DNER: variants seen among roughly 807,000 people sequenced by gnomAD.
DNER encodes delta/notch like EGF repeat containing, also known as delta and Notch-like epidermal growth factor-related receptor.
Under a neutral mutation model 78.2 loss-of-function variants are expected in DNER, and 33 were observed. The observed-to-expected ratio is 0.42, with a 90% CI of 0.32 to 0.56. The LOEUF (loss-of-function observed/expected upper bound fraction) is 0.56, where lower values mean the gene tolerates loss of function less well. Ranked by LOEUF, DNER falls within the 20% of genes least tolerant of loss-of-function variation. The pLI is 0.11. For missense variants in DNER, 918 were observed against 975.3 expected, an observed-to-expected ratio of 0.94 and a Z score of 0.78; for synonymous variants, 417 against 384.8, an observed-to-expected ratio of 1.08 and a Z score of -0.98.
chr2:229,418,369 T>G (rs1267219811), intron 8 of DNER, 139 bp from the exon 9 acceptor site: 93 of 1,201,088 alleles, frequency 7.7e-5, no homozygotes, highest in Non-Finnish European at 9.9e-5. Flanking sequence ...GCTAGATCTC[T>G]TGGGGTAAAG....
At chr2:229,469,008 G>A (rs1215401995) in intron 7 of DNER, among the ~76,000 whole-genome samples, 1 of 152,158 alleles carries the variant, frequency 6.6e-6, no homozygotes. Flanking sequence ...AGTGAGATTT[G>A]CACATTTACT....
intron 7 of DNER, 48 bp downstream of exon 7, chr2:229,477,092 T>A (rs1434551356): frequency 6.9e-7 from 1 of 1,445,550 alleles, no homozygotes; most frequent in Admixed American, 1.8e-5. Context: ...AATTAGTTTA[T>A]GATTTAAAAT....
At chr2:229,372,916 C>T (rs1423500165) in intron 11 of DNER, among the ~76,000 whole-genome samples, 4 of 152,042 alleles carry the variant, frequency 2.6e-5, no homozygotes, top group African/African-American at 7.2e-5. Context: ...TCCTGGTTTC[C>T]TGGCTTTTAT....
chr2:229,477,316 T>C, intron 6 of DNER, 63 bp from the exon 7 acceptor site: 12 of 1,233,526 alleles, frequency 9.7e-6, no homozygotes, highest in Non-Finnish European at 1.4e-5. Context: ...TGAGCCACTC[T>C]AGGAATTGAT....
At chr2:229,562,498 G>T (rs1696978590) in intron 4 of DNER, among the ~76,000 whole-genome samples, 1 of 152,124 alleles carries the variant, frequency 6.6e-6, no homozygotes, top group Non-Finnish European at 1.5e-5. Flanking sequence ...TATGTATTCT[G>T]TATAGAGTAT....
intron 1 of DNER, among the ~76,000 whole-genome samples, chr2:229,651,811 G>A (rs1698823947): frequency 6.6e-6 from 1 of 152,144 alleles, no homozygotes; most frequent in Admixed American, 6.5e-5. Flanking sequence ...ACAGAGTCTA[G>A]ACAAAGGAGC....
rs1045233692 is a variant in DNER at position 229,494,053 on chromosome 2, T to C, written c.1148-16800A>G. Among the ~76,000 whole-genome samples the C allele has an allele frequency of 2.6e-5, 4 of 152,300 alleles. No homozygotes were observed. In the East Asian group the frequency reaches 7.7e-4, roughly 29 times the overall value. ...CCTCTCTAGGAACCTTGTTCTGAAT[T>C]GAATAGTATGATATTAGGGCTTGAT... On this transcript the variant is annotated intron_variant, in intron 6 of 12. Transcript: ENST00000341772.
At chr2:229,623,831 C>T (rs1698292089) in intron 1 of DNER, among the ~76,000 whole-genome samples, 1 of 152,248 alleles carries the variant, frequency 6.6e-6, no homozygotes, top group Admixed American at 6.5e-5. Flanking sequence ...CCCCCAGCTC[C>T]TTCCACCTCT....
chr2:229,670,298 G>A (rs763920585), intron 1 of DNER, among the ~76,000 whole-genome samples: 9 of 152,330 alleles, frequency 5.9e-5, no homozygotes, highest in Admixed American at 5.9e-4. Context: ...CTCCCAGGCC[G>A]AGGCAAACGA....
chr2:229,376,479 A>G (rs909868934), intron 11 of DNER, among the ~76,000 whole-genome samples: 2 of 152,194 alleles, frequency 1.3e-5, no homozygotes, highest in African/African-American at 2.4e-5. Context: ...GCAAACTAAG[A>G]CAGGTGCATA....
chr2:229,578,216 T>C (rs920788399), intron 4 of DNER, among the ~76,000 whole-genome samples: 4 of 152,104 alleles, frequency 2.6e-5, no homozygotes, highest in Non-Finnish European at 5.9e-5. Flanking sequence ...CATGTCCTGG[T>C]CGGTCGCTCG....
At chr2:229,383,217 G>T (rs1220882818) in intron 11 of DNER, among the ~76,000 whole-genome samples, 1 of 152,126 alleles carries the variant, frequency 6.6e-6, no homozygotes, top group East Asian at 1.9e-4. Flanking sequence ...AATGCTAAGA[G>T]ATTTTGTTAC....
At chr2:229,483,475 T>C (rs888877054) in intron 6 of DNER, among the ~76,000 whole-genome samples, 1 of 152,220 alleles carries the variant, frequency 6.6e-6, no homozygotes, top group Non-Finnish European at 1.5e-5. Context: ...TCTATCACAC[T>C]TATGATTCCA....
At chr2:229,564,756 A>G (rs566713444) in intron 4 of DNER, among the ~76,000 whole-genome samples, 2 of 152,258 alleles carry the variant, frequency 1.3e-5, no homozygotes, top group African/African-American at 2.4e-5. Context: ...CACCAGCAAC[A>G]TAAGCAACCA....
At chr2:229,435,857 A>AT (rs1694111159) in intron 8 of DNER, among the ~76,000 whole-genome samples, 1 of 152,200 alleles carries the variant, frequency 6.6e-6, no homozygotes, top group African/African-American at 2.4e-5. Flanking sequence ...TGGGATTGTA[A>AT]TTTTTTAATG....
chr2:229,608,021 C>CAA (rs57795249), intron 1 of DNER, among the ~76,000 whole-genome samples: 34,883 of 86,076 alleles, frequency 0.41, 7,301 homozygotes, highest in Middle Eastern at 0.45. Flanking sequence ...AACTCTGTCT[C>CAA]AAAAAAAAAA....
At chr2:229,446,929 G>T (rs1333656530) in intron 8 of DNER, among the ~76,000 whole-genome samples, 2 of 152,150 alleles carry the variant, frequency 1.3e-5, no homozygotes, top group East Asian at 3.9e-4. Flanking sequence ...GCACACAATA[G>T]TAAAAGATAC....
At chr2:229,636,119 G>A (rs927719313) in intron 1 of DNER, among the ~76,000 whole-genome samples, 21 of 152,152 alleles carry the variant, frequency 1.4e-4, no homozygotes, top group African/African-American at 5.1e-4. Flanking sequence ...ACTCCTCCAA[G>A]GCATTGTTTG....
chr2:229,693,376 G>A lies in DNER; in HGVS notation c.276+20772C>T, dbSNP rs147616628. Among the ~76,000 whole-genome samples, 849 of 151,972 alleles carry A rather than the reference G, an allele frequency of 5.6e-3. 9 individuals carry two copies. Among genetic ancestry groups the A allele is most frequent in the African/African-American group, 0.02 (824 of 41,416 alleles). ...TCAGGTATGTCTTTATTAGCAGTGT[G>A]AGAACAGACTAATAGAGTAAACTGG... On this transcript the variant is annotated intron_variant, in intron 1 of 12. Transcript: ENST00000341772.
Sources: allele counts gnomAD v4.1 joint callset (sites outside exome capture counted in the v4.1 genomes callset), GRCh38; gene constraint gnomAD v4.1.1; transcripts MANE v1.5; gene names NCBI Gene and HGNC (gene_info 2026-07-23, HGNC 2026-07-21).